The following FRMPD2 variants were observed in gnomAD, a reference collection of about 807,000 sequenced individuals.
FRMPD2 encodes the protein FERM and PDZ domain containing 2.
In FRMPD2, 96 loss-of-function variants were observed where a neutral mutation model predicts 140.1. The ratio of observed to expected loss-of-function variants is 0.69; its 90% CI spans 0.58 to 0.81. The LOEUF (loss-of-function observed/expected upper bound fraction) is 0.81, where lower values mean the gene tolerates loss of function less well. Ranked by LOEUF, FRMPD2 falls within the 40% of genes least tolerant of loss-of-function variation. FRMPD2 has a pLI of 0.00. For synonymous variants in FRMPD2, 449 were observed against 547.6 expected (o/e 0.82, Z 2.52); for missense variants, 1,240 against 1,447.4 (o/e 0.86, Z 2.32).
At chr10:48,180,395 T>A (rs1410690704) in intron 21 of FRMPD2, among the ~76,000 whole-genome samples, 1 of 152,076 alleles carries the variant, frequency 6.6e-6, no homozygotes, top group East Asian at 1.9e-4. Flanking sequence ...TGGGGTATGG[T>A]CAAGAGCAAA....
Position 48,201,278 on chromosome 10 carries a change from T to C in FRMPD2, c.1904A>G (p.His635Arg), listed in dbSNP as rs1476842319. ...KYLLDLCSAQ[H>R]GFNAQMGSGQ... The stretch of plus-strand genomic sequence containing the variant: ...AGAGCCCATCTGTGCATTAAACCCA[T>C]GCTGGGCTGAGCAGAGGTCCAGTAA... Residue 635 changes from histidine (H) to arginine (R), a missense_variant, in exon 15 of 29, where the codon CAT becomes CGT. His to Arg is a conservative substitution (Grantham distance 29). Around this residue, in one of 6 missense-constraint regions of FRMPD2, gnomAD observed 1,161 missense variants for 1,055.9 expected, o/e 1.10. Transcript: ENST00000374201. 3 of 1,613,738 alleles carry C rather than the reference T, an allele frequency of 1.9e-6. No homozygotes were observed. Among genetic ancestry groups the C allele is most frequent in the Non-Finnish European group, 2.5e-6 (3 of 1,179,824 alleles).
chr10:48,239,743 T>G (rs1420840458), intron 6 of FRMPD2, 51 bp from the exon 7 acceptor site: 1 of 1,403,392 alleles, frequency 7.1e-7, no homozygotes, highest in Admixed American at 1.7e-5. Flanking sequence ...GATCACGGCT[T>G]TCTTAAATCA....
At chr10:48,262,735 T>A (rs1840615285) in intron 1 of FRMPD2, among the ~76,000 whole-genome samples, 1 of 152,158 alleles carries the variant, frequency 6.6e-6, no homozygotes, top group African/African-American at 2.4e-5. Context: ...TATATCACAT[T>A]TTGGGCCATA....
intron 28 of FRMPD2, among the ~76,000 whole-genome samples, chr10:48,163,015 A>T (rs1394113682): frequency 6.8e-5 from 10 of 147,690 alleles, no homozygotes; most frequent in Non-Finnish European, 1.5e-4. Flanking sequence ...CTTACTACAA[A>T]GCTTTAACAG....
chr10:48,251,036 C>T (rs181793650), intron 2 of FRMPD2, among the ~76,000 whole-genome samples: 1 of 152,138 alleles, frequency 6.6e-6, no homozygotes, highest in Non-Finnish European at 1.5e-5. Context: ...CCCCTGACCT[C>T]AGGTAATCTG....
chr10:48,160,344 C>T (rs1194033003), intron 28 of FRMPD2, among the ~76,000 whole-genome samples: 1 of 151,658 alleles, frequency 6.6e-6, no homozygotes, highest in African/African-American at 2.4e-5. Flanking sequence ...GTGGTGCTGG[C>T]AGCCATCTGG....
intron 12 of FRMPD2, among the ~76,000 whole-genome samples, chr10:48,212,913 G>A (rs188226928): frequency 2.3e-3 from 351 of 152,300 alleles, no homozygotes; most frequent in African/African-American, 7.9e-3. Flanking sequence ...AGGAATGCAG[G>A]ATCAGGCAGA....
chr10:48,234,731 T>C (rs1839927860), intron 9 of FRMPD2, among the ~76,000 whole-genome samples: 1 of 152,134 alleles, frequency 6.6e-6, no homozygotes, highest in Non-Finnish European at 1.5e-5. Flanking sequence ...TGCATCTTCC[T>C]AGAGGCAAGG....
At position 48,240,447 on chromosome 10, in the gene FRMPD2, T is replaced by C. The variant is rs777392560; in HGVS notation, c.613A>G (p.Arg205Gly). The change falls in exon 6 of 29, where the codon AGA (arginine) becomes GGA (glycine). Residue 205 changes from arginine to glycine, a missense_variant. Around this residue, in one of 6 missense-constraint regions of FRMPD2, gnomAD observed 1,161 missense variants for 1,055.9 expected, o/e 1.10. Transcript: ENST00000374201. ...AGCCTCTTCCTGAGCAGGTAGCTTC[T>C]GTTCTGCTGCACAGAGGAGCTTTCC... ...VEESSSVQQN[R>G]SYLLRKRLRG... 1.2e-6 allele frequency: 2 copies of C among 1,613,856 alleles called. No individual in the cohort carries two copies. Among genetic ancestry groups the C allele is most frequent in the East Asian group, 4.5e-5 (2 of 44,888 alleles).
At chr10:48,185,700 C>T in intron 17 of FRMPD2, 55 bp from the exon 18 acceptor site, 1 of 1,348,946 alleles carries the variant, frequency 7.4e-7, no homozygotes, top group East Asian at 2.3e-5. Context: ...TATTTGGGAG[C>T]TAATACAAAA....
At chr10:48,220,954 G>C (rs1332546395) in intron 12 of FRMPD2, among the ~76,000 whole-genome samples, 2 of 152,186 alleles carry the variant, frequency 1.3e-5, no homozygotes, top group African/African-American at 4.8e-5. Flanking sequence ...TGTTGGCATG[G>C]ATGTGGTAAA....
rs148717200 is a variant in FRMPD2, at chr10:48,184,784, C to T, written c.2457G>A (p.Thr819=). Reference sequence around the variant, plus strand: ...TTTAAAAAGATGTACCTGGTTTGATCGTTTTTGCTTTTTCTGCTGGTCCTC... The same window carrying T: ...TTTAAAAAGATGTACCTGGTTTGATTGTTTTTGCTTTTTCTGCTGGTCCTC... ...IPGGPAEKAK[T]IKPGGQILAL... is the part of the protein sequence containing the mutation. Residue 819 remains threonine (T), a synonymous_variant, in exon 19 of 29, where the codon ACG becomes ACA. Transcript: ENST00000374201. The T allele has an allele frequency of 6.8e-6, 11 of 1,612,566 alleles. No individual in the cohort carries two copies. The highest frequency in any genetic ancestry group is 4.5e-5 in the East Asian group (2 of 44,838).
At chr10:48,199,241 A>T (rs188363246) in intron 15 of FRMPD2, among the ~76,000 whole-genome samples, 44 of 149,528 alleles carry the variant, frequency 2.9e-4, no homozygotes, top group Admixed American at 2.1e-3. Context: ...CTAAAATAAA[A>T]GTTGAAATTT....
chr10:48,258,337 TTGAG>T (rs1301214190), intron 1 of FRMPD2, among the ~76,000 whole-genome samples: 1 of 152,238 alleles, frequency 6.6e-6, no homozygotes, highest in Non-Finnish European at 1.5e-5. Flanking sequence ...GAGCCTGACC[TTGAG>T]TGAGTGAGTG....
At chr10:48,159,078 C>G (rs1322538503) in intron 28 of FRMPD2, 11 of 431,690 alleles carry the variant, frequency 2.5e-5, no homozygotes, top group East Asian at 7.0e-5. Flanking sequence ...TACGGTTAAA[C>G]TCACAACAAA....
chr10:48,241,978 C>T (rs1462761258), intron 5 of FRMPD2, 183 bp downstream of exon 5: 1 of 460,226 alleles, frequency 2.2e-6, no homozygotes. Context: ...TGTTCTAGAT[C>T]CACCCTGTTC....
At position 48,249,133 on chromosome 10, in the gene FRMPD2, G is replaced by A. The variant is rs773667739; in HGVS notation, c.197C>T (p.Ala66Val). Residue 66 changes from alanine (A) to valine (V), a missense_variant, in exon 3 of 29, where the codon GCA becomes GTA. Ala to Val is a moderately conservative substitution (Grantham distance 64, BLOSUM62 0). Transcript: ENST00000374201. ...GCCTTGGAAAGAAAGGCTTCCAGCTGCAGAAAGCAGGGCTGACCAGGGGCA... is the reference window on the plus strand; with the variant it reads ...GCCTTGGAAAGAAAGGCTTCCAGCTACAGAAAGCAGGGCTGACCAGGGGCA... ...VVCPWSALLS[A>V]AGSLSFQGRV... The A allele has an allele frequency of 1.9e-6, 3 of 1,614,128 alleles. No individual in the cohort carries two copies. The highest frequency in any genetic ancestry group is 2.5e-6 in the Non-Finnish European group (3 of 1,179,996).
chr10:48,179,742 G>A (rs1838495539), intron 21 of FRMPD2, among the ~76,000 whole-genome samples: 1 of 152,088 alleles, frequency 6.6e-6, no homozygotes, highest in South Asian at 2.1e-4. Context: ...TTCCACGGCT[G>A]TGGACAGACA....
At chr10:48,197,228 A>C (rs1406235060) in intron 15 of FRMPD2, among the ~76,000 whole-genome samples, 1 of 152,130 alleles carries the variant, frequency 6.6e-6, no homozygotes, top group Non-Finnish European at 1.5e-5. Flanking sequence ...CCAATGACAC[A>C]GCTCCCATAT....
Sources: gnomAD v4.1 joint callset for allele counts (sites outside exome capture counted in the v4.1 genomes callset) on GRCh38, gnomAD v4.1.1 for gene constraint, gnomAD v4.1.1 regional missense constraint, MANE v1.5 for transcripts, NCBI Gene and HGNC (gene_info 2026-07-23, HGNC 2026-07-21) for gene names.